Variants in PIK3C2A observed in about 807,000 individuals in gnomAD.
PIK3C2A encodes phosphatidylinositol-4-phosphate 3-kinase catalytic subunit type 2 alpha, also known as phosphatidylinositol 4-phosphate 3-kinase C2 domain-containing subunit alpha.
A neutral mutation model predicts 204.5 loss-of-function variants in PIK3C2A; 97 were observed. That is an observed-to-expected ratio of 0.47 (90% CI 0.40 to 0.56). The LOEUF (loss-of-function observed/expected upper bound fraction) is 0.56, where lower values mean the gene tolerates loss of function less well. Among genes scored for constraint, PIK3C2A ranks in the 20% least tolerant of loss-of-function variants. The probability of loss-of-function intolerance (pLI) is 0.00; values close to 1 mark genes in which losing one functional copy is unlikely to be tolerated. For synonymous variants in PIK3C2A, 653 were observed against 664.4 expected, an observed-to-expected ratio of 0.98 and a Z score of 0.26; for missense variants, 1,735 against 1,969.2, an observed-to-expected ratio of 0.88 and a Z score of 2.25.
intron 7 of PIK3C2A, 35 bp downstream of exon 7, chr11:17,145,828 C>G: frequency 6.3e-7 from 1 of 1,594,656 alleles, no homozygotes; most frequent in Non-Finnish European, 8.6e-7. Flanking sequence ...AAAACAAAGT[C>G]TGAAAACCTG....
rs544247938 is a variant in PIK3C2A, at chr11:17,100,252, G to A, written c.4009-283C>T. 8.4e-4 allele frequency among the ~76,000 whole-genome samples: 94 copies of A among 112,156 alleles called. 5 individuals carry two copies. In the East Asian group the frequency reaches 0.012, roughly 15 times the overall value. The allele number at this position is 112,156 out of a possible 152,430, so 73.6% of individuals were successfully genotyped here. On this transcript the variant is annotated intron_variant, in intron 25 of 32. Transcript: ENST00000691414. ...GTCTAGGCTCTTTTTTTGGGGGCGG[G>A]GGGGGGGGGCAGGGAGCCGGGTGCG...
At position 17,134,915 on chromosome 11, in the gene PIK3C2A, T is replaced by C. The variant is rs1469554058; in HGVS notation, c.2012A>G (p.Gln671Arg). ...NSGRSPTDCA[Q>R]SSKSVKEAWT... is the part of the protein sequence containing the mutation. ...TGCTTCCTTGACACTCTTGCTACTT[T>C]GGGCACAGTCTGTAGGACTCCTACC... The change falls in exon 11 of 33, where the codon CAA becomes CGA. Residue 671 changes from glutamine to arginine, a missense_variant. Around this residue, in one of 6 missense-constraint regions of PIK3C2A, gnomAD observed 567 missense variants for 576.0 expected, o/e 0.98. Coordinates refer to ENST00000691414, the MANE Select transcript of PIK3C2A (RefSeq NM_002645.4). 6.2e-7 allele frequency: 1 copy of C among 1,614,076 alleles called. No individual in the cohort carries two copies. Among genetic ancestry groups the C allele is most frequent in the African/African-American group, 1.3e-5 (1 of 74,946 alleles).
intron 20 of PIK3C2A, among the ~76,000 whole-genome samples, chr11:17,113,513 G>A (rs1395516881): frequency 1.3e-5 from 2 of 151,944 alleles, no homozygotes; most frequent in Non-Finnish European, 2.9e-5. Flanking sequence ...AAATGAAACC[G>A]ACTAAAAAGC....
chr11:17,187,451 T>C (rs1213499406), intron 1 of PIK3C2A, among the ~76,000 whole-genome samples: 1 of 152,154 alleles, frequency 6.6e-6, no homozygotes. Flanking sequence ...TTTTAGTATA[T>C]TCAGAGGTGT....
At chr11:17,162,357 A>G (rs1850805313) in intron 2 of PIK3C2A, among the ~76,000 whole-genome samples, 1 of 151,812 alleles carries the variant, frequency 6.6e-6, no homozygotes, top group South Asian at 2.1e-4. Flanking sequence ...AAAAACAAAA[A>G]CAAAAACAAA....
intron 20 of PIK3C2A, among the ~76,000 whole-genome samples, 179 bp from the exon 21 acceptor site, chr11:17,112,845 A>G (rs1476152474): frequency 6.6e-6 from 1 of 151,852 alleles, no homozygotes; most frequent in Non-Finnish European, 1.5e-5. Context: ...GAATGCAGTG[A>G]TGCAACCATA....
intron 2 of PIK3C2A, among the ~76,000 whole-genome samples, chr11:17,163,634 G>C (rs966542343): frequency 2.0e-5 from 3 of 151,456 alleles, no homozygotes; most frequent in Admixed American, 6.6e-5. Context: ...GATTGGTCTC[G>C]AATTCTTGGC....
At chr11:17,137,816 T>C (rs1174788976) in intron 8 of PIK3C2A, among the ~76,000 whole-genome samples, 1 of 152,174 alleles carries the variant, frequency 6.6e-6, no homozygotes, top group African/African-American at 2.4e-5. Flanking sequence ...TAAACATTTC[T>C]CTTTGCCAAG....
intron 1 of PIK3C2A, among the ~76,000 whole-genome samples, chr11:17,182,567 C>CAAAAA (rs11453658): frequency 1.1e-5 from 1 of 91,806 alleles, no homozygotes; most frequent in African/African-American, 3.6e-5. Context: ...GACCCTGTCT[C>CAAAAA]AAAAAAAAAA....
At chr11:17,150,322 A>G (rs906558000) in intron 4 of PIK3C2A, among the ~76,000 whole-genome samples, 176 bp downstream of exon 4, 4 of 152,230 alleles carry the variant, frequency 2.6e-5, no homozygotes, top group African/African-American at 9.6e-5. Context: ...TTTTCAGATA[A>G]TTATCTATTT....
chr11:17,112,177 C>T lies in PIK3C2A; in HGVS notation c.3414+397G>A, dbSNP rs750771807. ...AAAACACGTAAAATTTTTGGCTGGG[C>T]GCGATGGCTCACACCTGTAATCCCA... is the stretch of plus-strand genomic sequence containing the variant. On this transcript the variant is annotated intron_variant, in intron 21 of 32. Transcript: ENST00000691414. Among the ~76,000 whole-genome samples, 27 of 152,178 alleles carry T rather than the reference C, an allele frequency of 1.8e-4. No individual in the cohort carries two copies. In the South Asian group the frequency reaches 3.1e-3, roughly 18 times the overall value.
Position 17,101,849 on chromosome 11 carries a change from C to T in PIK3C2A, c.3852-415G>A, listed in dbSNP as rs780681586. On this transcript the variant is annotated intron_variant, in intron 24 of 32. Coordinates refer to ENST00000691414, the MANE Select transcript of PIK3C2A (RefSeq NM_002645.4). Reference sequence around the variant, plus strand: ...CGATCTCCTGACCTTGTGATCCGCCCGCCTTGGCCTCCCAAAGTGCTGGGA... The same window carrying T: ...CGATCTCCTGACCTTGTGATCCGCCTGCCTTGGCCTCCCAAAGTGCTGGGA... Among the ~76,000 whole-genome samples, 104 of 151,852 alleles carry T rather than the reference C, an allele frequency of 6.8e-4. 1 individual carries two copies. Among genetic ancestry groups the T allele is most frequent in the Non-Finnish European group, 9.4e-4 (64 of 67,978 alleles).
chr11:17,153,188 T>TC (rs1386391011), intron 3 of PIK3C2A, among the ~76,000 whole-genome samples: 3 of 152,052 alleles, frequency 2.0e-5, no homozygotes, highest in Non-Finnish European at 4.4e-5. Context: ...TGCCAGCACT[T>TC]TGGGAGGCCG....
intron 1 of PIK3C2A, among the ~76,000 whole-genome samples, chr11:17,171,798 G>C (rs187134117): frequency 1.9e-3 from 285 of 152,212 alleles, no homozygotes; most frequent in Middle Eastern, 6.8e-3. Context: ...TTAGAGATGG[G>C]GGAGGTCTCA....
intron 6 of PIK3C2A, among the ~76,000 whole-genome samples, chr11:17,146,545 T>A (rs747035685): frequency 1.3e-5 from 2 of 151,228 alleles, no homozygotes; most frequent in Admixed American, 1.3e-4. Flanking sequence ...AAAACCCGTC[T>A]CTACTAAAAA....
intron 13 of PIK3C2A, among the ~76,000 whole-genome samples, 187 bp from the exon 14 acceptor site, chr11:17,123,000 T>C (rs534383415): frequency 1.3e-5 from 2 of 152,266 alleles, no homozygotes; most frequent in South Asian, 2.1e-4. Context: ...GTAAATGTAT[T>C]GAAATGTAGG....
intron 22 of PIK3C2A, among the ~76,000 whole-genome samples, chr11:17,110,120 T>G (rs1848949899): frequency 6.6e-6 from 1 of 151,646 alleles, no homozygotes; most frequent in Non-Finnish European, 1.5e-5. Flanking sequence ...ACCTGGCTAA[T>G]TTTTGCATTT....
chr11:17,170,695 G>A (rs1299810364), intron 1 of PIK3C2A, among the ~76,000 whole-genome samples: 1 of 152,046 alleles, frequency 6.6e-6, no homozygotes, highest in Non-Finnish European at 1.5e-5. Context: ...GAAGCAATAC[G>A]ACCAACTGAA....
At chr11:17,152,557 G>A (rs544588196) in intron 3 of PIK3C2A, among the ~76,000 whole-genome samples, 2 of 152,008 alleles carry the variant, frequency 1.3e-5, no homozygotes, top group Non-Finnish European at 2.9e-5. Context: ...TATTTTTATG[G>A]ATACTCTAAG....
Sources: allele counts gnomAD v4.1 joint callset (sites outside exome capture counted in the v4.1 genomes callset), GRCh38; gene constraint gnomAD v4.1.1; regional missense constraint gnomAD v4.1.1; transcripts MANE v1.5; gene names NCBI Gene and HGNC (gene_info 2026-07-23, HGNC 2026-07-21).